Variants in RASA3 observed in about 807,000 individuals in gnomAD.
RASA3 encodes RAS p21 protein activator 3.
In RASA3, 73 loss-of-function variants were observed where a neutral mutation model predicts 110.0. That is an observed-to-expected ratio of 0.66 (90% CI 0.55 to 0.81). RASA3 has a LOEUF of 0.81. Ranked by LOEUF, RASA3 falls within the 30% of genes least tolerant of loss-of-function variation. The probability of loss-of-function intolerance (pLI) is 0.00; values close to 1 mark genes in which losing one functional copy is unlikely to be tolerated. For synonymous variants in RASA3, 500 were observed against 451.4 expected, an observed-to-expected ratio of 1.11 and a Z score of -1.37; for missense variants, 976 against 1,113.2, an observed-to-expected ratio of 0.88 and a Z score of 1.75.
chr13:114,041,749 T>C (rs2054413333), intron 3 of RASA3, among the ~76,000 whole-genome samples: 1 of 152,264 alleles, frequency 6.6e-6, no homozygotes, highest in East Asian at 1.9e-4. Context: ...CAGGCAGGAC[T>C]GAGAGCCAGA....
chr13:114,088,969 C>A (rs2079855610), intron 1 of RASA3, among the ~76,000 whole-genome samples: 1 of 152,092 alleles, frequency 6.6e-6, no homozygotes, highest in South Asian at 2.1e-4. Flanking sequence ...ATTAAAAACT[C>A]CACCATATAT....
Position 114,014,041 on chromosome 13 carries a change from T to TCTCTCCGTCTGTCTCTGC in RASA3, c.1406-794_1406-793insGCAGAGACAGACGGAGAG. 6.8e-6 allele frequency among the ~76,000 whole-genome samples: 1 copy of TCTCTCCGTCTGTCTCTGC among 146,528 alleles called. No homozygotes were observed. Among genetic ancestry groups the TCTCTCCGTCTGTCTCTGC allele is most frequent in the South Asian group, 2.2e-4 (1 of 4,630 alleles). On this transcript the variant is annotated intron_variant, in intron 14 of 23. Transcript: ENST00000334062. The surrounding 1 kb of genome is among the most constrained non-coding windows in gnomAD (Gnocchi z 4.5). Reference sequence around the variant, plus strand: ...CTCCATCTCTCTCTCTCCGTCTCTATCTCTCTCTCCGTCTGTCTCTGCCTC... The same window carrying TCTCTCCGTCTGTCTCTGC: ...CTCCATCTCTCTCTCTCCGTCTCTATCTCTCCGTCTGTCTCTGCCTCTCTCTCCGTCTGTCTCTGCCTC...
chr13:114,023,107 C>T (rs549843147), intron 8 of RASA3, among the ~76,000 whole-genome samples: 7 of 152,262 alleles, frequency 4.6e-5, no homozygotes, highest in Non-Finnish European at 8.8e-5. Context: ...ACCGGCTCCA[C>T]GTGTCCCATT....
In RASA3 at chr13:114,039,076, G is replaced by A. The variant is rs190626881; in HGVS notation, c.372+1924C>T. Among the ~76,000 whole-genome samples, 18 of 152,354 alleles carry A rather than the reference G, an allele frequency of 1.2e-4. No individual in the cohort carries two copies. The South Asian group carries it at 1.2e-3, about 11-fold the overall frequency. ...AGATGGGAAAACTGAGGCCTGCAAA[G>A]GACGTTGGCAACAATCCGATGAGGG... On this transcript the variant is annotated intron_variant, in intron 4 of 23. Transcript: ENST00000334062.
chr13:113,980,363 CGCCTCCTCCGTGTGTGT>C (rs1485450995), intron 23 of RASA3, among the ~76,000 whole-genome samples: 3 of 147,192 alleles, frequency 2.0e-5, no homozygotes, highest in South Asian at 4.4e-4. Flanking sequence ...CATGTGTGTG[CGCCTCCTCCGTGTGTGT>C]GCCTCCTCCC....
In RASA3 at chr13:114,098,155, G is replaced by C. The variant is rs541182478; in HGVS notation, c.56-24318C>G. Among the ~76,000 whole-genome samples the C allele has an allele frequency of 2.6e-5, 4 of 152,260 alleles. No homozygotes were observed. The South Asian group carries it at 8.3e-4, about 32-fold the overall frequency. ...GGGGCTGCAGGGGAGCACGGCACCT[G>C]GCTAAAGACACAGCACACAGGGCTA... On this transcript the variant is annotated intron_variant, in intron 1 of 23. Transcript: ENST00000334062.
At chr13:114,055,114 C>T (rs2079219563) in intron 2 of RASA3, among the ~76,000 whole-genome samples, 4 of 151,200 alleles carry the variant, frequency 2.6e-5, no homozygotes, top group Admixed American at 1.3e-4. Flanking sequence ...ATGTGTGTCC[C>T]CACAGGCAGG....
chr13:114,007,580 C>A lies in RASA3; in HGVS notation c.1695G>T (p.Gly565=). 1 of 1,613,488 alleles carries A rather than the reference C, an allele frequency of 6.2e-7. No individual in the cohort carries two copies. The highest frequency in any genetic ancestry group is 8.5e-7 in the Non-Finnish European group (1 of 1,179,806). The change falls in exon 18 of 24, where the codon GGG becomes GGT. Residue 565 remains glycine (G), a synonymous_variant. Coordinates refer to ENST00000334062, the MANE Select transcript of RASA3 (RefSeq NM_007368.4). ...GCTCAACACTCTTGGGGTCTCTTCT[C>A]CCCGAGGACGAAATCAGATCCAAGA... is the stretch of plus-strand genomic sequence containing the variant. ...KNFLDLISSS[G]RRDPKSVEQP... is the part of the protein sequence containing the mutation.
chr13:114,062,718 G>A lies in RASA3; in HGVS notation c.174-10563C>T, dbSNP rs117987053. ...GCGTGCTCACAGCCCACGTTCGCACGCAGACTCAGACATGCGTGCTCACAG... is the reference window on the plus strand; with the variant it reads ...GCGTGCTCACAGCCCACGTTCGCACACAGACTCAGACATGCGTGCTCACAG... On this transcript the variant is annotated intron_variant, in intron 2 of 23. Coordinates refer to ENST00000334062, the MANE Select transcript of RASA3 (RefSeq NM_007368.4). Among the ~76,000 whole-genome samples, 190 of 148,546 alleles carry A rather than the reference G, an allele frequency of 1.3e-3. 5 individuals are homozygous for A. The highest frequency in any genetic ancestry group is 9.8e-3 in the Admixed American group (124 of 12,698).
Position 114,048,531 on chromosome 13 carries a change from C to T in RASA3, c.277+3521G>A, listed in dbSNP as rs960728384. 1.3e-5 allele frequency among the ~76,000 whole-genome samples: 2 copies of T among 152,184 alleles called. No homozygotes were observed. The highest frequency in any genetic ancestry group is 6.5e-5 in the Admixed American group (1 of 15,284). On this transcript the variant is annotated intron_variant, in intron 3 of 23. Coordinates refer to ENST00000334062, the MANE Select transcript of RASA3 (RefSeq NM_007368.4). The surrounding 1 kb of genome is among the most constrained non-coding windows in gnomAD (Gnocchi z 4.3). ...CCCAATGCTCCTGACAGCACCGAGC[C>T]GGGCCTCGCGCATTTCCGTGGTTCC...
chr13:114,125,730 G>A (rs2080437754), intron 1 of RASA3, among the ~76,000 whole-genome samples: 1 of 152,158 alleles, frequency 6.6e-6, no homozygotes, highest in African/African-American at 2.4e-5. Context: ...ATGGTTCAAA[G>A]CTAGAAGCTC....
intron 4 of RASA3, among the ~76,000 whole-genome samples, chr13:114,030,329 C>T (rs1000412288): frequency 2.6e-5 from 4 of 152,200 alleles, no homozygotes; most frequent in African/African-American, 7.2e-5. Context: ...GATGGAGGCC[C>T]GCAGGAACCT....
intron 4 of RASA3, among the ~76,000 whole-genome samples, chr13:114,031,275 CTG>C (rs145450462): frequency 2.0e-5 from 3 of 150,874 alleles, no homozygotes; most frequent in Non-Finnish European, 4.4e-5. Flanking sequence ...TTGCATGAAA[CTG>C]TGTGTGTCTG....
rs983777044 is a variant in RASA3 at position 114,119,092 on chromosome 13, C to T, written c.55+13343G>A. On this transcript the variant is annotated intron_variant, in intron 1 of 23. Transcript: ENST00000334062. ...CTGACCCACCCACCCCAGCTCTTTTCCCCGGCCTGGGAAGGGCACATGGAG... is the reference window on the plus strand; with the variant it reads ...CTGACCCACCCACCCCAGCTCTTTTTCCCGGCCTGGGAAGGGCACATGGAG... 2.5e-4 allele frequency among the ~76,000 whole-genome samples: 27 copies of T among 109,580 alleles called. No individual in the cohort carries two copies. In the South Asian group the frequency reaches 6.8e-3, roughly 28 times the overall value. 71.9% of individuals were successfully genotyped at this position (109,580 alleles called of 152,430 possible).
At chr13:114,025,338 C>T (rs1025072803) in intron 7 of RASA3, among the ~76,000 whole-genome samples, 1 of 152,282 alleles carries the variant, frequency 6.6e-6, no homozygotes, top group Non-Finnish European at 1.5e-5. Flanking sequence ...CTGACCTACA[C>T]ACCACTGTCC....
intron 4 of RASA3, among the ~76,000 whole-genome samples, chr13:114,040,774 T>A (rs1395521353): frequency 2.0e-5 from 2 of 97,788 alleles, no homozygotes; most frequent in African/African-American, 9.8e-5. Flanking sequence ...TGGCAGAGCC[T>A]GCGCTCACTC....
At chr13:114,017,540 G>C (rs1436168884) in intron 11 of RASA3, among the ~76,000 whole-genome samples, 189 bp from the exon 12 acceptor site, 1 of 152,242 alleles carries the variant, frequency 6.6e-6, no homozygotes, top group Non-Finnish European at 1.5e-5. Flanking sequence ...GAACCGTCCT[G>C]TGTCAACACT....
In RASA3 at chr13:114,125,517, G is replaced by A. The variant is rs1251043551; in HGVS notation, c.55+6918C>T. Among the ~76,000 whole-genome samples, 6 of 152,290 alleles carry A rather than the reference G, an allele frequency of 3.9e-5. 1 individual carries two copies. The highest frequency in any genetic ancestry group is 7.2e-5 in the African/African-American group (3 of 41,546). Reference sequence around the variant, plus strand: ...GTGAGAACAGCACCAAGGGGATAGCGCTGAGCTGTTCATATAAATCCACCC... The same window carrying A: ...GTGAGAACAGCACCAAGGGGATAGCACTGAGCTGTTCATATAAATCCACCC... On this transcript the variant is annotated intron_variant, in intron 1 of 23. Coordinates refer to ENST00000334062, the MANE Select transcript of RASA3 (RefSeq NM_007368.4).
chr13:114,054,258 CAAAT>C (rs1472614673), intron 2 of RASA3, among the ~76,000 whole-genome samples: 2 of 152,164 alleles, frequency 1.3e-5, no homozygotes, highest in African/African-American at 2.4e-5. Flanking sequence ...TAAATGATGA[CAAAT>C]AATTCAGTTT....
Sources: gnomAD v4.1 joint callset for allele counts (sites outside exome capture counted in the v4.1 genomes callset) on GRCh38, gnomAD v4.1.1 for gene constraint, Gnocchi (gnomAD v3.1) non-coding constraint, MANE v1.5 for transcripts, NCBI Gene and HGNC (gene_info 2026-07-23, HGNC 2026-07-21) for gene names.